Variants in PRELID2 observed in about 807,000 individuals in gnomAD.
PRELID2 encodes PRELI domain-containing protein 2.
PRELID2 carries 25 observed loss-of-function variants against 28.4 expected under a neutral mutation model. That is an observed-to-expected ratio of 0.88 (90% confidence interval 0.64 to 1.23). The LOEUF (loss-of-function observed/expected upper bound fraction) is 1.23, where lower values mean the gene tolerates loss of function less well. Among genes scored for constraint, PRELID2 ranks in the 50% most tolerant of loss-of-function variants. PRELID2 has a pLI of 0.00. For missense variants in PRELID2, 201 were observed against 214.4 expected (o/e 0.94, Z 0.39); for synonymous variants, 76 against 71.6 (o/e 1.06, Z -0.31).
chr5:145,765,844 T>C (rs1326080656), intron 5 of PRELID2, among the ~76,000 whole-genome samples: 3 of 152,172 alleles, frequency 2.0e-5, no homozygotes, highest in African/African-American at 7.2e-5. Context: ...CTTACCCACA[T>C]TTTACTGACG....
chr5:145,826,024 G>A, intron 1 of PRELID2: 2 of 985,364 alleles, frequency 2.0e-6, no homozygotes, highest in Non-Finnish European at 2.4e-6. Flanking sequence ...CAGATGGCCA[G>A]GTTTTTCTGG....
At chr5:145,363,462 G>A in the PRELID2 span, among the ~76,000 whole-genome samples, 1 of 151,966 alleles carries the variant, frequency 6.6e-6, no homozygotes, top group South Asian at 2.1e-4. Context: ...TAAGTCCTCT[G>A]ACTCATTAAT....
the PRELID2 span, among the ~76,000 whole-genome samples, chr5:145,298,531 T>A: frequency 1.3e-5 from 2 of 152,180 alleles, no homozygotes; most frequent in African/African-American, 4.8e-5. Context: ...TAAGAGGCAA[T>A]TGGGCCTTGA....
At chr5:145,439,712 T>A in the PRELID2 span, among the ~76,000 whole-genome samples, 1 of 152,040 alleles carries the variant, frequency 6.6e-6, no homozygotes, top group Non-Finnish European at 1.5e-5. Flanking sequence ...CTCCAACACA[T>A]TTTCAAACTC....
the PRELID2 span, among the ~76,000 whole-genome samples, chr5:145,426,001 T>C: frequency 6.6e-6 from 1 of 152,120 alleles, no homozygotes; most frequent in Non-Finnish European, 1.5e-5. Flanking sequence ...TTAACTCAGC[T>C]CAAGTCTCAC....
At chr5:145,398,081 C>A in the PRELID2 span, among the ~76,000 whole-genome samples, 1 of 152,078 alleles carries the variant, frequency 6.6e-6, no homozygotes, top group Non-Finnish European at 1.5e-5. Context: ...TTTTCTCTAG[C>A]CATGGCAGGG....
chr5:145,514,692 T>C (rs1006824791), intron 1 of PRELID2, among the ~76,000 whole-genome samples: 9 of 152,188 alleles, frequency 5.9e-5, no homozygotes, highest in African/African-American at 1.9e-4. Flanking sequence ...CAATAGCATA[T>C]TCATTCTTCT....
At chr5:145,470,830 A>T (rs1469204564), downstream of PRELID2, among the ~76,000 whole-genome samples, 1 of 152,132 alleles carries the variant, frequency 6.6e-6, no homozygotes, top group African/African-American at 2.4e-5. Flanking sequence ...TCATTTTCAC[A>T]ACATCTTCCA....
At chr5:145,724,130 G>A (rs979699836) in intron 1 of PRELID2, among the ~76,000 whole-genome samples, 3 of 152,090 alleles carry the variant, frequency 2.0e-5, no homozygotes, top group African/African-American at 7.2e-5. Flanking sequence ...TGTAAAAGTA[G>A]TTAATTACAA....
intron 1 of PRELID2, among the ~76,000 whole-genome samples, chr5:145,734,850 G>A (rs563879404): frequency 3.3e-5 from 5 of 152,284 alleles, no homozygotes; most frequent in South Asian, 4.1e-4. Context: ...TAAGGAACAC[G>A]TGAACTATGA....
the PRELID2 span, among the ~76,000 whole-genome samples, chr5:145,364,544 G>A: frequency 5.3e-5 from 8 of 151,944 alleles, no homozygotes; most frequent in African/African-American, 1.9e-4. Flanking sequence ...TTAAAAGAGT[G>A]TCAAATACAC....
chr5:145,736,003 G>C (rs535221582), intron 1 of PRELID2, among the ~76,000 whole-genome samples: 1 of 152,258 alleles, frequency 6.6e-6, no homozygotes, highest in South Asian at 2.1e-4. Context: ...TTAAAGGTTT[G>C]TCACCCAGGA....
chr5:145,570,893 C>T (rs1294407169), intron 1 of PRELID2, among the ~76,000 whole-genome samples: 1 of 152,182 alleles, frequency 6.6e-6, no homozygotes, highest in Non-Finnish European at 1.5e-5. Flanking sequence ...CATACAGAAA[C>T]CAAGACATTA....
the PRELID2 span, among the ~76,000 whole-genome samples, chr5:145,308,388 A>G: frequency 6.6e-6 from 1 of 152,238 alleles, no homozygotes. Flanking sequence ...CCTTTTCTGT[A>G]ACGTGATATT....
chr5:145,306,987 G>T, the PRELID2 span, among the ~76,000 whole-genome samples: 1 of 152,048 alleles, frequency 6.6e-6, no homozygotes, highest in South Asian at 2.1e-4. Flanking sequence ...GGTTAATTTG[G>T]CATAACTTTT....
chr5:145,708,042 T>C (rs1364194936), intron 1 of PRELID2, among the ~76,000 whole-genome samples: 27 of 152,150 alleles, frequency 1.8e-4, no homozygotes, highest in Admixed American at 1.7e-3. Context: ...TATAATGCAA[T>C]GATTATTCCA....
intron 1 of PRELID2, among the ~76,000 whole-genome samples, chr5:145,573,112 C>T (rs145834029): frequency 1.1e-3 from 171 of 152,226 alleles, no homozygotes; most frequent in African/African-American, 3.9e-3. Flanking sequence ...CATATTCTTT[C>T]ATACCAAATA....
the PRELID2 span, among the ~76,000 whole-genome samples, chr5:145,371,390 TTTTA>T: frequency 6.6e-6 from 1 of 151,930 alleles, no homozygotes; most frequent in Admixed American, 6.6e-5. Context: ...TTTGTCTTGG[TTTTA>T]TTTATGTGAT....
chr5:145,460,037 CTGACCTCG>C, the PRELID2 span, among the ~76,000 whole-genome samples: 10 of 152,088 alleles, frequency 6.6e-5, no homozygotes, highest in Non-Finnish European at 1.2e-4. Flanking sequence ...TCTTGAACTC[CTGACCTCG>C]TGATCCTCCT....
Sources: allele counts gnomAD v4.1 joint callset (sites outside exome capture counted in the v4.1 genomes callset), GRCh38; gene constraint gnomAD v4.1.1; transcripts MANE v1.5; gene names NCBI Gene and HGNC (gene_info 2026-07-23, HGNC 2026-07-21).